Variants in CAMTA1 observed in about 807,000 individuals in gnomAD.
CAMTA1 encodes calmodulin-binding transcription activator 1.
CAMTA1 carries 27 observed loss-of-function variants against 170.9 expected under a neutral mutation model. The ratio of observed to expected loss-of-function variants is 0.16; its 90% CI spans 0.12 to 0.22. The LOEUF (loss-of-function observed/expected upper bound fraction) is 0.22, where lower values mean the gene tolerates loss of function less well. CAMTA1 is among the 10% of genes least tolerant of loss of function. The pLI is 1.00. For synonymous variants in CAMTA1, 833 were observed against 891.5 expected (o/e 0.93, Z 1.17); for missense variants, 1,619 against 2,217.2 (o/e 0.73, Z 5.42).
chr1:7,216,905 C>T lies in CAMTA1; in HGVS notation c.303-32586C>T, dbSNP rs574290417. ...TTTTATTGTGGAATGTGATTTTTAG[C>T]ATTAGAAGGTGTCATAATGTTGTTT... On this transcript the variant is annotated intron_variant, in intron 4 of 22. Transcript: ENST00000303635. This position sits in a 1 kb window ranked among gnomAD's most constrained non-coding sequence, Gnocchi z 4.0. 7.9e-4 allele frequency among the ~76,000 whole-genome samples: 121 copies of T among 152,316 alleles called. No homozygotes were observed. The highest frequency in any genetic ancestry group is 2.7e-3 in the African/African-American group (113 of 41,572).
At chr1:7,759,559 GT>G (rs1205012635) in intron 22 of CAMTA1, among the ~76,000 whole-genome samples, 2 of 152,074 alleles carry the variant, frequency 1.3e-5, no homozygotes, top group Non-Finnish European at 2.9e-5. Flanking sequence ...CAATAGCTGT[GT>G]TTAGGAGAGA....
At chr1:7,033,196 G>A (rs545380576) in intron 3 of CAMTA1, among the ~76,000 whole-genome samples, 1 of 152,164 alleles carries the variant, frequency 6.6e-6, no homozygotes, top group Non-Finnish European at 1.5e-5. Context: ...GCTTAAAGTT[G>A]TTGCAGATAC....
chr1:6,936,697 C>T (rs1042923058), intron 3 of CAMTA1, among the ~76,000 whole-genome samples: 1 of 152,132 alleles, frequency 6.6e-6, no homozygotes, highest in Non-Finnish European at 1.5e-5. Context: ...TTACTATAAA[C>T]CAGAGAGAGG....
At chr1:7,319,197 A>T (rs757914033) in intron 5 of CAMTA1, among the ~76,000 whole-genome samples, 17 of 152,148 alleles carry the variant, frequency 1.1e-4, no homozygotes, top group Admixed American at 7.2e-4. Context: ...TGGCATTTAC[A>T]TGGAGATCTG....
At chr1:7,461,708 G>A (rs993457563) in intron 5 of CAMTA1, among the ~76,000 whole-genome samples, 5 of 152,216 alleles carry the variant, frequency 3.3e-5, no homozygotes, top group Admixed American at 1.3e-4. Context: ...CCTTGTGGGA[G>A]GTGGACCCAA....
chr1:7,648,346 C>T lies in CAMTA1; in HGVS notation c.664+7793C>T, dbSNP rs541602255. Among the ~76,000 whole-genome samples the T allele has an allele frequency of 6.6e-4, 100 of 150,574 alleles. 1 individual carries two copies. The highest frequency in any genetic ancestry group is 9.2e-4 in the Non-Finnish European group (62 of 67,734). On this transcript the variant is annotated intron_variant, in intron 7 of 22. Coordinates refer to ENST00000303635, the MANE Select transcript of CAMTA1 (RefSeq NM_015215.4). ...GGTGGAGGTTGCAGTGAGCCAAGAT[C>T]GTGCCATTGTGCTCCAGCCTGGGCA...
At chr1:7,312,190 A>G (rs1676832438) in intron 5 of CAMTA1, among the ~76,000 whole-genome samples, 1 of 152,116 alleles carries the variant, frequency 6.6e-6, no homozygotes, top group African/African-American at 2.4e-5. Context: ...TCAAAGGTCT[A>G]ACTATTGTGA....
intron 5 of CAMTA1, among the ~76,000 whole-genome samples, chr1:7,440,412 T>C (rs1014599030): frequency 3.3e-5 from 5 of 152,226 alleles, no homozygotes; most frequent in Non-Finnish European, 7.4e-5. Context: ...GACAGCAGCC[T>C]GGGAAGGAGC....
At chr1:7,098,523 C>T (rs770434718) in intron 4 of CAMTA1, among the ~76,000 whole-genome samples, 5 of 152,152 alleles carry the variant, frequency 3.3e-5, no homozygotes, top group Non-Finnish European at 5.9e-5. Flanking sequence ...CATTTGTTTC[C>T]GGGGGTGGGG....
Position 7,300,242 on chromosome 1 carries a change from C to A in CAMTA1, c.438+50616C>A, listed in dbSNP as rs1411536973. Among the ~76,000 whole-genome samples, 2 of 152,318 alleles carry A rather than the reference C, an allele frequency of 1.3e-5. No homozygotes were observed. The highest frequency in any genetic ancestry group is 3.9e-4 in the East Asian group (2 of 5,176). On this transcript the variant is annotated intron_variant, in intron 5 of 22. Transcript: ENST00000303635. The surrounding 1 kb of genome is among the most constrained non-coding windows in gnomAD (Gnocchi z 4.1). The stretch of plus-strand genomic sequence containing the variant: ...ACATGATTTTCCTTCCTCCAAGGGT[C>A]TCCCCTAGACCCTGGCACAGAATCA...
chr1:7,531,221 G>A (rs777590574), intron 6 of CAMTA1, among the ~76,000 whole-genome samples: 2 of 152,070 alleles, frequency 1.3e-5, no homozygotes, highest in African/African-American at 4.8e-5. Flanking sequence ...GTAAAGTCCC[G>A]GTGAGAGCAA....
rs1278053363 is a variant in CAMTA1 at position 7,065,048 on chromosome 1, G to A, written c.235-26256G>A. On this transcript the variant is annotated intron_variant, in intron 3 of 22. Transcript: ENST00000303635. The surrounding 1 kb of genome is among the most constrained non-coding windows in gnomAD (Gnocchi z 5.2). ...AAGCCTGGGGAAAAACAGGTTTGAG[G>A]AGGCAAATAAAAAAATCTCTGTTGC... Among the ~76,000 whole-genome samples the A allele has an allele frequency of 6.6e-6, 1 of 152,130 alleles. No individual in the cohort carries two copies.
chr1:7,002,407 G>A (rs968805198), intron 3 of CAMTA1, among the ~76,000 whole-genome samples: 18 of 152,138 alleles, frequency 1.2e-4, no homozygotes, highest in African/African-American at 4.1e-4. Flanking sequence ...GAAGTCTAAG[G>A]CTGCCTATTA....
chr1:7,236,749 T>G (rs139192618), intron 4 of CAMTA1, among the ~76,000 whole-genome samples: 206 of 152,360 alleles, frequency 1.4e-3, no homozygotes, highest in Non-Finnish European at 2.1e-3. Flanking sequence ...TGGTCGCAGT[T>G]GTCCTGGTTG....
intron 4 of CAMTA1, among the ~76,000 whole-genome samples, chr1:7,202,583 C>G (rs1240011409): frequency 6.6e-6 from 1 of 152,068 alleles, no homozygotes; most frequent in Non-Finnish European, 1.5e-5. Context: ...ATAGTTTTTG[C>G]AATGTAAGTT....
rs147094037 is a variant in CAMTA1, at chr1:7,234,454, G to C, written c.303-15037G>C. ...GCCTGCCCAGGGCGGGCCTCTGTGCGTCATTGTTCTTCCTCCCTACCGGAC... is the reference window on the plus strand; with the variant it reads ...GCCTGCCCAGGGCGGGCCTCTGTGCCTCATTGTTCTTCCTCCCTACCGGAC... On this transcript the variant is annotated intron_variant, in intron 4 of 22. Transcript: ENST00000303635. The surrounding 1 kb of genome is among the most constrained non-coding windows in gnomAD (Gnocchi z 5.0). 9.2e-3 allele frequency among the ~76,000 whole-genome samples: 1,408 copies of C among 152,288 alleles called. 13 individuals carry two copies. The highest frequency in any genetic ancestry group is 0.011 in the Non-Finnish European group (747 of 68,024).
At chr1:6,837,670 T>G (rs928899305) in intron 3 of CAMTA1, among the ~76,000 whole-genome samples, 39 of 152,358 alleles carry the variant, frequency 2.6e-4, no homozygotes, top group Admixed American at 2.4e-3. Flanking sequence ...CAGAAGACAG[T>G]TGTTAATGTG....
At position 7,092,095 on chromosome 1, in the gene CAMTA1, C is replaced by T. The variant is rs1641545283; in HGVS notation, c.302+724C>T. Reference sequence around the variant, plus strand: ...AGAGCTTCGGAAATACATGGCCACTCTCTTCCAATTGCCGTAAGTTTTCTG... The same window carrying T: ...AGAGCTTCGGAAATACATGGCCACTTTCTTCCAATTGCCGTAAGTTTTCTG... On this transcript the variant is annotated intron_variant, in intron 4 of 22. Coordinates refer to ENST00000303635, the MANE Select transcript of CAMTA1 (RefSeq NM_015215.4). This position sits in a 1 kb window ranked among gnomAD's most constrained non-coding sequence, Gnocchi z 5.0. 1.3e-5 allele frequency among the ~76,000 whole-genome samples: 2 copies of T among 152,236 alleles called. No homozygotes were observed. The highest frequency in any genetic ancestry group is 4.8e-5 in the African/African-American group (2 of 41,458).
rs371037487 is a variant in CAMTA1, at chr1:7,689,267, CA to C, written c.2914+11549del. Among the ~76,000 whole-genome samples the C allele has an allele frequency of 3.5e-3, 461 of 131,988 alleles. 2 individuals are homozygous for C. The highest frequency in any genetic ancestry group is 0.011 in the African/African-American group (386 of 34,808). The allele number at this position is 131,988 out of a possible 152,430, so 86.6% of individuals were successfully genotyped here. ...GGATGACAAAAGTGAAACTCCTTCT[CA>C]AAAAAAAAAAAAAATCAGTGGCAAG... is the stretch of plus-strand genomic sequence containing the variant. On this transcript the variant is annotated intron_variant, in intron 11 of 22. Coordinates refer to ENST00000303635, the MANE Select transcript of CAMTA1 (RefSeq NM_015215.4).
Sources: gnomAD v4.1 joint callset for allele counts (sites outside exome capture counted in the v4.1 genomes callset) on GRCh38, gnomAD v4.1.1 for gene constraint, Gnocchi (gnomAD v3.1) non-coding constraint, MANE v1.5 for transcripts, NCBI Gene and HGNC (gene_info 2026-07-23, HGNC 2026-07-21) for gene names.